The following ST8SIA6 variants were observed in gnomAD, a reference collection of about 807,000 sequenced individuals.
The protein encoded by ST8SIA6 is alpha-2,8-sialyltransferase 8F.
A neutral mutation model predicts 33.6 loss-of-function variants in ST8SIA6; 39 were observed. That is an observed-to-expected ratio of 1.16 (90% confidence interval 0.90 to 1.52). ST8SIA6 has a LOEUF of 1.52. Among genes scored for constraint, ST8SIA6 ranks in the 40% most tolerant of loss-of-function variants. The pLI is 0.00. For synonymous variants in ST8SIA6, 172 were observed against 167.2 expected (o/e 1.03, Z -0.22); for missense variants, 441 against 443.8 (o/e 0.99, Z 0.06).
chr10:17,429,640 G>A lies in ST8SIA6; in HGVS notation c.200+23919C>T, dbSNP rs546729572. Among the ~76,000 whole-genome samples, 178 of 151,842 alleles carry A rather than the reference G, an allele frequency of 1.2e-3. 4 individuals carry two copies. In the South Asian group the frequency reaches 0.034, roughly 29 times the overall value. Reference sequence around the variant, plus strand: ...CCTGGGACTACAGGTGCATGCCACCGTGCTCAGCTAATTTTTGTATCTTGT... The same window carrying A: ...CCTGGGACTACAGGTGCATGCCACCATGCTCAGCTAATTTTTGTATCTTGT... On this transcript the variant is annotated intron_variant, in intron 2 of 7. Transcript: ENST00000377602.
At chr10:17,394,356 G>T (rs200943173) in intron 2 of ST8SIA6, among the ~76,000 whole-genome samples, 1 of 109,508 alleles carries the variant, frequency 9.1e-6, no homozygotes, top group African/African-American at 3.4e-5. Flanking sequence ...TTGCCTTTAA[G>T]AAAAAAAAAA....
chr10:17,438,036 C>G (rs1223893683), intron 2 of ST8SIA6, among the ~76,000 whole-genome samples: 4 of 152,090 alleles, frequency 2.6e-5, no homozygotes, highest in Non-Finnish European at 2.9e-5. Flanking sequence ...GCCATGCCCC[C>G]CTGTTTCTGT....
At chr10:17,429,508 C>T (rs975459093) in intron 2 of ST8SIA6, among the ~76,000 whole-genome samples, 2 of 151,988 alleles carry the variant, frequency 1.3e-5, no homozygotes, top group African/African-American at 2.4e-5. Flanking sequence ...AACTGCCTCT[C>T]CTCCCTTTCA....
chr10:17,348,902 C>A (rs1002917867), intron 4 of ST8SIA6, among the ~76,000 whole-genome samples: 1 of 138,926 alleles, frequency 7.2e-6, no homozygotes, highest in Non-Finnish European at 1.6e-5. Context: ...GCTAAGTAAT[C>A]GGGGCGGGGC....
At chr10:17,331,915 C>T (rs983751088) in intron 4 of ST8SIA6, among the ~76,000 whole-genome samples, 1 of 152,156 alleles carries the variant, frequency 6.6e-6, no homozygotes, top group Non-Finnish European at 1.5e-5. Context: ...GCCCCACATG[C>T]ATTAGGTATT....
chr10:17,370,281 C>T (rs558060519), intron 3 of ST8SIA6, among the ~76,000 whole-genome samples: 1 of 152,116 alleles, frequency 6.6e-6, no homozygotes, highest in Non-Finnish European at 1.5e-5. Flanking sequence ...CCACGCCCTG[C>T]CTGACAATCT....
intron 2 of ST8SIA6, among the ~76,000 whole-genome samples, chr10:17,405,098 G>T (rs1425178822): frequency 2.0e-5 from 3 of 152,180 alleles, no homozygotes; most frequent in African/African-American, 7.2e-5. Flanking sequence ...CTTTGAACTG[G>T]TTATAACACC....
At chr10:17,333,546 A>G (rs943024812) in intron 4 of ST8SIA6, among the ~76,000 whole-genome samples, 4 of 150,818 alleles carry the variant, frequency 2.7e-5, no homozygotes, top group Admixed American at 6.6e-5. Flanking sequence ...AAACAGAGAG[A>G]TAGACCAATG....
In ST8SIA6 at chr10:17,317,566, T is replaced by C. The variant is rs952721774; in HGVS notation, c.*3312A>G. ...GTCTTGAAGATCACAATATATTATA[T>C]ATCACATCTTAACTATACTTCTGCA... On this transcript the variant is annotated 3_prime_UTR_variant, in exon 8 of 8. Transcript: ENST00000377602. 2.0e-5 allele frequency among the ~76,000 whole-genome samples: 3 copies of C among 152,220 alleles called. No individual in the cohort carries two copies. Among genetic ancestry groups the C allele is most frequent in the Middle Eastern group, 3.2e-3 (1 of 314 alleles).
At chr10:17,384,764 C>T (rs1017155948) in intron 3 of ST8SIA6, among the ~76,000 whole-genome samples, 4 of 152,220 alleles carry the variant, frequency 2.6e-5, no homozygotes, top group Non-Finnish European at 5.9e-5. Context: ...AATTTACATA[C>T]ATAAGCTACT....
At chr10:17,429,639 C>T (rs1410508614) in intron 2 of ST8SIA6, among the ~76,000 whole-genome samples, 5 of 152,124 alleles carry the variant, frequency 3.3e-5, no homozygotes, top group East Asian at 1.9e-4. Flanking sequence ...TGCATGCCAC[C>T]GTGCTCAGCT....
At chr10:17,378,241 C>A (rs1849985956) in intron 3 of ST8SIA6, among the ~76,000 whole-genome samples, 1 of 152,202 alleles carries the variant, frequency 6.6e-6, no homozygotes, top group Admixed American at 6.5e-5. Context: ...AAAGAGTTGT[C>A]AAATTCTCTG....
chr10:17,405,485 A>G (rs1236854283), intron 2 of ST8SIA6, among the ~76,000 whole-genome samples: 1 of 151,574 alleles, frequency 6.6e-6, no homozygotes, highest in Non-Finnish European at 1.5e-5. Context: ...CTGACAACAT[A>G]TTTGAATCAA....
intron 3 of ST8SIA6, among the ~76,000 whole-genome samples, chr10:17,361,478 T>A (rs1849386916): frequency 6.6e-6 from 1 of 151,104 alleles, no homozygotes; most frequent in South Asian, 2.1e-4. Flanking sequence ...CCTATAGCCA[T>A]TAATAATATT....
rs1455735996 is a variant in ST8SIA6, at chr10:17,317,442, C to T, written c.*3436G>A. Among the ~76,000 whole-genome samples, 2 of 152,150 alleles carry T rather than the reference C, an allele frequency of 1.3e-5. No individual in the cohort carries two copies. Among genetic ancestry groups the T allele is most frequent in the East Asian group, 3.8e-4 (2 of 5,200 alleles). The stretch of plus-strand genomic sequence containing the variant: ...TCCTAGCAGCCTCAAGTGGATTTAT[C>T]AGATCAAGTGCATCAGATATATCAG... On this transcript the variant is annotated 3_prime_UTR_variant, in exon 8 of 8. Coordinates refer to ENST00000377602, the MANE Select transcript of ST8SIA6 (RefSeq NM_001004470.3).
At chr10:17,363,741 A>T (rs1000260037) in intron 3 of ST8SIA6, among the ~76,000 whole-genome samples, 2 of 152,174 alleles carry the variant, frequency 1.3e-5, no homozygotes, top group Admixed American at 1.3e-4. Flanking sequence ...CACCACAGGA[A>T]TTGGCAAATT....
intron 2 of ST8SIA6, among the ~76,000 whole-genome samples, chr10:17,405,719 T>G (rs1349461268): frequency 6.6e-6 from 1 of 151,534 alleles, no homozygotes; most frequent in East Asian, 1.9e-4. Flanking sequence ...CTGTCTCTAC[T>G]AAAAGTACAA....
intron 3 of ST8SIA6, among the ~76,000 whole-genome samples, chr10:17,385,404 C>A (rs1299773360): frequency 1.4e-4 from 21 of 152,116 alleles, no homozygotes; most frequent in Admixed American, 1.4e-3. Context: ...GTGAAGAGAC[C>A]ACCAAACAGG....
At chr10:17,361,897 A>G (rs7909179) in intron 3 of ST8SIA6, among the ~76,000 whole-genome samples, 23,884 of 152,206 alleles carry the variant, frequency 0.16, 2,115 homozygotes, top group South Asian at 0.2. Context: ...CCATATTAAC[A>G]TAATTTTAAA....
Sources: gnomAD v4.1 joint callset for allele counts (sites outside exome capture counted in the v4.1 genomes callset) on GRCh38, gnomAD v4.1.1 for gene constraint, MANE v1.5 for transcripts, NCBI Gene and HGNC (gene_info 2026-07-23, HGNC 2026-07-21) for gene names.